The following GPR158 variants were observed in gnomAD, a reference collection of about 807,000 sequenced individuals.
The protein encoded by GPR158 is G protein-coupled receptor 158, also known as metabotropic glycine receptor.
GPR158 carries 30 observed loss-of-function variants against 78.2 expected under a neutral mutation model. That is an observed-to-expected ratio of 0.38 (90% CI 0.29 to 0.52). The LOEUF is 0.52. GPR158 is among the 20% of genes least tolerant of loss of function. GPR158 has a pLI of 0.83. For synonymous variants in GPR158, 581 were observed against 591.1 expected, an observed-to-expected ratio of 0.98 and a Z score of 0.25; for missense variants, 1,463 against 1,523.5, an observed-to-expected ratio of 0.96 and a Z score of 0.66.
At chr10:25,442,413 A>G (rs1835080013) in intron 4 of GPR158, among the ~76,000 whole-genome samples, 1 of 152,282 alleles carries the variant, frequency 6.6e-6, no homozygotes, top group South Asian at 2.1e-4. Context: ...TGAGAATCAC[A>G]TATAAATAAC....
At chr10:25,247,599 AATG>A (rs1292636831) in intron 2 of GPR158, among the ~76,000 whole-genome samples, 1 of 135,910 alleles carries the variant, frequency 7.4e-6, no homozygotes, top group Non-Finnish European at 1.6e-5. Flanking sequence ...GTTTACTGAG[AATG>A]ATGATTTCCA....
intron 2 of GPR158, among the ~76,000 whole-genome samples, chr10:25,270,906 A>T (rs1854109499): frequency 6.6e-6 from 1 of 152,128 alleles, no homozygotes; most frequent in Non-Finnish European, 1.5e-5. Context: ...TTAGTTTTTG[A>T]TGCTTATCAC....
At chr10:25,266,075 C>T (rs1441309565) in intron 2 of GPR158, among the ~76,000 whole-genome samples, 1 of 152,052 alleles carries the variant, frequency 6.6e-6, no homozygotes, top group Non-Finnish European at 1.5e-5. Context: ...ACTTTTCTTC[C>T]TTTACCATCC....
intron 1 of GPR158, among the ~76,000 whole-genome samples, chr10:25,200,868 G>GT (rs56696555): frequency 0.11 from 12,557 of 112,686 alleles, 737 homozygotes; most frequent in East Asian, 0.21. Flanking sequence ...TTTTTGTTTT[G>GT]TTTTTTTTTT....
chr10:25,208,466 A>C (rs561584213), intron 1 of GPR158, among the ~76,000 whole-genome samples: 65 of 152,324 alleles, frequency 4.3e-4, no homozygotes, highest in Middle Eastern at 3.4e-3. Flanking sequence ...CATCCTGTAC[A>C]TCTTATATTG....
At chr10:25,467,054 G>A (rs573458878) in intron 5 of GPR158, among the ~76,000 whole-genome samples, 2 of 152,282 alleles carry the variant, frequency 1.3e-5, no homozygotes, top group African/African-American at 4.8e-5. Flanking sequence ...GGGGTGCAGC[G>A]TGGTTTTATA....
Position 25,208,558 on chromosome 10 carries a change from TTGTGTGTGTGTGTG to T in GPR158, c.903-12460_903-12447del, listed in dbSNP as rs71399956. Among the ~76,000 whole-genome samples the T allele has an allele frequency of 2.2e-3, 300 of 135,244 alleles. 1 individual carries two copies. The highest frequency in any genetic ancestry group is 6.9e-3 in the African/African-American group (254 of 36,640). 88.7% of individuals were successfully genotyped at this position (135,244 alleles called of 152,430 possible). A position where few individuals can be genotyped will look rare whatever the true frequency, so the allele number is the denominator to read the frequency against. ...TGAGATTCTTTGGTCCTATGTGAAT[TTGTGTGTGTGTGTG>T]TGTGTGTGTGTGTGTGTGTGTGTGT... On this transcript the variant is annotated intron_variant, in intron 1 of 10. Transcript: ENST00000376351.
At chr10:25,481,849 G>T (rs1835667225) in intron 5 of GPR158, among the ~76,000 whole-genome samples, 2 of 152,060 alleles carry the variant, frequency 1.3e-5, no homozygotes, top group Middle Eastern at 6.3e-3. Flanking sequence ...AGCTTATTGT[G>T]GTTTTGATTT....
intron 5 of GPR158, among the ~76,000 whole-genome samples, chr10:25,540,945 A>ATAT (rs1836570970): frequency 1.2e-5 from 1 of 82,922 alleles, no homozygotes. Context: ...GTATAATAAA[A>ATAT]ATATATATAT....
chr10:25,498,906 A>G (rs890463121), intron 5 of GPR158, among the ~76,000 whole-genome samples: 21 of 152,114 alleles, frequency 1.4e-4, no homozygotes, highest in African/African-American at 5.1e-4. Flanking sequence ...ACTGGAGCGC[A>G]ATGACTCATT....
At chr10:25,218,345 C>T (rs1054128921) in intron 1 of GPR158, among the ~76,000 whole-genome samples, 14 of 152,108 alleles carry the variant, frequency 9.2e-5, no homozygotes, top group Admixed American at 2.0e-4. Context: ...TTTCCATGTA[C>T]GAACTTGGAA....
At chr10:25,534,838 T>C (rs1174646606) in intron 5 of GPR158, among the ~76,000 whole-genome samples, 5 of 152,032 alleles carry the variant, frequency 3.3e-5, no homozygotes, top group Non-Finnish European at 7.4e-5. Flanking sequence ...AACATGACCA[T>C]ACCATTTTTC....
chr10:25,578,689 A>G (rs771541706), intron 7 of GPR158, among the ~76,000 whole-genome samples: 1 of 152,228 alleles, frequency 6.6e-6, no homozygotes, highest in Non-Finnish European at 1.5e-5. Context: ...TGATTATTTC[A>G]CTATTGTCCT....
In GPR158 at chr10:25,248,097, G is replaced by A. The variant is rs553531021; in HGVS notation, c.1008+26940G>A. On this transcript the variant is annotated intron_variant, in intron 2 of 10. Transcript: ENST00000376351. ...ATGAGCATTTTTTCATGTGTTTTTTGGCTGCATAAATGTCTTCTTTTGAGA... is the reference window on the plus strand; with the variant it reads ...ATGAGCATTTTTTCATGTGTTTTTTAGCTGCATAAATGTCTTCTTTTGAGA... Among the ~76,000 whole-genome samples, 34 of 151,864 alleles carry A rather than the reference G, an allele frequency of 2.2e-4. 1 individual carries two copies. In the East Asian group the frequency reaches 4.8e-3, roughly 22 times the overall value.
At chr10:25,361,134 T>C (rs576635726) in intron 2 of GPR158, among the ~76,000 whole-genome samples, 2 of 152,064 alleles carry the variant, frequency 1.3e-5, no homozygotes, top group Non-Finnish European at 2.9e-5. Context: ...CTACTTTCTG[T>C]TTCCATTAAT....
chr10:25,309,215 C>CTGTGTT (rs1854726836), intron 2 of GPR158, among the ~76,000 whole-genome samples: 1 of 150,458 alleles, frequency 6.6e-6, no homozygotes, highest in Non-Finnish European at 1.5e-5. Context: ...TTGTTATTTT[C>CTGTGTT]TGTGTGTGTG....
chr10:25,262,190 G>T (rs1853976504), intron 2 of GPR158, among the ~76,000 whole-genome samples: 1 of 152,122 alleles, frequency 6.6e-6, no homozygotes. Context: ...GGCTTAACCA[G>T]GAATGATAGA....
chr10:25,347,299 G>C (rs748021024), intron 2 of GPR158, among the ~76,000 whole-genome samples: 1 of 151,854 alleles, frequency 6.6e-6, no homozygotes, highest in Non-Finnish European at 1.5e-5. Flanking sequence ...CCTATCTTTT[G>C]TACTCACATC....
At chr10:25,251,110 G>A (rs1332991419) in intron 2 of GPR158, among the ~76,000 whole-genome samples, 1 of 152,098 alleles carries the variant, frequency 6.6e-6, no homozygotes, top group Non-Finnish European at 1.5e-5. Flanking sequence ...TTTAAAGTCT[G>A]TTTTATCAGA....
Sources: gnomAD v4.1 joint callset for allele counts (sites outside exome capture counted in the v4.1 genomes callset) on GRCh38, gnomAD v4.1.1 for gene constraint, MANE v1.5 for transcripts, NCBI Gene and HGNC (gene_info 2026-07-23, HGNC 2026-07-21) for gene names.